Variants in NSD1 observed in about 807,000 individuals in gnomAD.
The protein encoded by NSD1 is nuclear receptor binding SET domain protein 1.
Under a neutral mutation model 242.7 loss-of-function variants are expected in NSD1, and 26 were observed. The ratio of observed to expected loss-of-function variants is 0.11; its 90% CI spans 0.08 to 0.15. The LOEUF is 0.15. NSD1 is among the 10% of genes least tolerant of loss of function. NSD1 has a pLI of 1.00. For synonymous variants in NSD1, 1,106 were observed against 1,178.1 expected (o/e 0.94, Z 1.25); for missense variants, 2,495 against 3,272.8 (o/e 0.76, Z 5.80).
rs531124834 is a variant in NSD1, at chr5:177,271,571, A to G, written c.5509+1764A>G. On this transcript the variant is annotated intron_variant, in intron 16 of 22. Coordinates refer to ENST00000439151, the MANE Select transcript of NSD1 (RefSeq NM_022455.5). ...TGACTTTGAAGAAGGAAAAGGACTT[A>G]AAATGTGATACATTTTACCAAGAAG... Among the ~76,000 whole-genome samples, 3 of 152,336 alleles carry G rather than the reference A, an allele frequency of 2.0e-5. No individual in the cohort carries two copies. In the South Asian group the frequency reaches 6.2e-4, roughly 32 times the overall value.
intron 5 of NSD1, among the ~76,000 whole-genome samples, chr5:177,224,471 T>C (rs1764482263): frequency 6.6e-6 from 1 of 152,032 alleles, no homozygotes; most frequent in South Asian, 2.1e-4. Flanking sequence ...ATCTCATGTT[T>C]ATGAAAATTT....
chr5:177,247,442 A>G (rs149526559), intron 10 of NSD1, among the ~76,000 whole-genome samples: 1 of 151,954 alleles, frequency 6.6e-6, no homozygotes, highest in Non-Finnish European at 1.5e-5. Context: ...AAAAAAATTG[A>G]GACTGCTGGC....
chr5:177,294,460 C>T lies in NSD1; in HGVS notation c.7092C>T (p.Ser2364=), dbSNP rs762770908. The T allele has an allele frequency of 6.2e-7, 1 of 1,614,200 alleles. No individual in the cohort carries two copies. Among genetic ancestry groups the T allele is most frequent in the South Asian group, 1.1e-5 (1 of 91,086 alleles). ...LGTADPRLDK[S]IGAASPRPQS... is the part of the protein sequence containing the mutation. ...CGGCTGACCCAAGGCTGGATAAATC[C>T]ATAGGTGCTGCCAGCCCAAGGCCCC... is the stretch of plus-strand genomic sequence containing the variant. The change falls in exon 23 of 23, where the codon TCC becomes TCT. Residue 2364 remains serine (S), a synonymous_variant. Transcript: ENST00000439151.
rs1265388422 is a variant in NSD1, at chr5:177,210,428, T to C, written c.2029T>C (p.Ser677Pro). 4.3e-6 allele frequency: 7 copies of C among 1,614,178 alleles called. No individual in the cohort carries two copies. Among genetic ancestry groups the C allele is most frequent in the East Asian group, 2.2e-5 (1 of 44,884 alleles). ...TTTCGATAGAACAGAGAACATGTTA[T>C]CTATGCAGAAAAATGAAAAGATAAA... Reference protein sequence around the residue: ...DAFDRTENMLSMQKNEKIKYS... With the variant: ...DAFDRTENMLPMQKNEKIKYS... Residue 677 changes from serine to proline, a missense_variant, in exon 5 of 23, where the codon TCT becomes CCT. Coordinates refer to ENST00000439151, the MANE Select transcript of NSD1 (RefSeq NM_022455.5).
At chr5:177,233,896 G>A (rs932228522) in intron 5 of NSD1, among the ~76,000 whole-genome samples, 5 of 152,180 alleles carry the variant, frequency 3.3e-5, no homozygotes, top group Admixed American at 1.3e-4. Context: ...GATTGATGAA[G>A]AGTAAATATA....
chr5:177,297,760 A>C lies in NSD1; in HGVS notation c.*2301A>C, dbSNP rs985628485. The C allele has an allele frequency of 1.3e-5, 3 of 233,002 alleles. No homozygotes were observed. Among genetic ancestry groups the C allele is most frequent in the Non-Finnish European group, 2.5e-5 (3 of 117,976 alleles). 14.4% of individuals were successfully genotyped at this position (233,002 alleles called of 1,614,324 possible). The stretch of plus-strand genomic sequence containing the variant: ...TAAAGTAGGCTTTGGTAGGTAATCA[A>C]CTTGACAGCAGTCTAGATGTCTCAC... On this transcript the variant is annotated 3_prime_UTR_variant, in exon 23 of 23. Transcript: ENST00000439151.
At chr5:177,292,447 T>C (rs1034545184) in intron 22 of NSD1, among the ~76,000 whole-genome samples, 1 of 152,206 alleles carries the variant, frequency 6.6e-6, no homozygotes, top group Admixed American at 6.5e-5. Context: ...CCATAATGCA[T>C]GTGAAGAAAC....
chr5:177,170,604 C>G (rs1267812492), intron 2 of NSD1, among the ~76,000 whole-genome samples: 4 of 152,188 alleles, frequency 2.6e-5, no homozygotes, highest in Admixed American at 2.6e-4. Flanking sequence ...CCGCCTGCCT[C>G]AGCTTCCTGA....
Position 177,296,986 on chromosome 5 carries a change from C to G in NSD1, c.*1527C>G, listed in dbSNP as rs1427601901. ...TGGCTTTCACGCTCTCAATAGGATT[C>G]TGTATTTGGTCCCAATTTCCTCAAG... On this transcript the variant is annotated 3_prime_UTR_variant, in exon 23 of 23. Transcript: ENST00000439151. 1 of 233,204 alleles carries G rather than the reference C, an allele frequency of 4.3e-6. No homozygotes were observed. Among genetic ancestry groups the G allele is most frequent in the Non-Finnish European group, 8.5e-6 (1 of 118,066 alleles). The allele number at this position is 233,204 out of a possible 1,614,324, so 14.4% of individuals were successfully genotyped here.
At chr5:177,187,625 A>G (rs184599930) in intron 2 of NSD1, among the ~76,000 whole-genome samples, 3 of 152,208 alleles carry the variant, frequency 2.0e-5, no homozygotes, top group African/African-American at 7.2e-5. Flanking sequence ...TGTTTTGAGG[A>G]CTGTGAGTGT....
intron 2 of NSD1, among the ~76,000 whole-genome samples, chr5:177,169,825 T>C (rs1350553765): frequency 6.6e-6 from 1 of 152,182 alleles, no homozygotes; most frequent in African/African-American, 2.4e-5. Context: ...AAATTGCAAA[T>C]TCCAACAGTG....
chr5:177,193,755 G>A (rs553624089), intron 3 of NSD1, among the ~76,000 whole-genome samples: 4 of 152,208 alleles, frequency 2.6e-5, no homozygotes, highest in Non-Finnish European at 5.9e-5. Flanking sequence ...GCAACCAATT[G>A]ATATTAATTT....
At chr5:177,268,161 T>G (rs1757662390) in intron 15 of NSD1, among the ~76,000 whole-genome samples, 1 of 151,470 alleles carries the variant, frequency 6.6e-6, no homozygotes, top group Non-Finnish European at 1.5e-5. Flanking sequence ...CAGTCTGGAG[T>G]GCAGTGGTGT....
At chr5:177,181,930 A>T (rs1643316395) in intron 2 of NSD1, among the ~76,000 whole-genome samples, 1 of 151,842 alleles carries the variant, frequency 6.6e-6, no homozygotes, top group Admixed American at 6.6e-5. Flanking sequence ...AGGTGGGCGG[A>T]TCACGAGGTC....
At chr5:177,259,193 T>C (rs1224014828) in intron 13 of NSD1, among the ~76,000 whole-genome samples, 1 of 152,204 alleles carries the variant, frequency 6.6e-6, no homozygotes, top group African/African-American at 2.4e-5. Flanking sequence ...CCTTGACTTT[T>C]TCCATAGAGG....
At chr5:177,162,620 G>T (rs970675523) in intron 2 of NSD1, among the ~76,000 whole-genome samples, 8 of 152,098 alleles carry the variant, frequency 5.3e-5, no homozygotes, top group African/African-American at 1.9e-4. Flanking sequence ...GAGCTCAAGC[G>T]ATCCGCCCAC....
chr5:177,259,535 C>T (rs1756819228), intron 13 of NSD1, among the ~76,000 whole-genome samples: 1 of 152,112 alleles, frequency 6.6e-6, no homozygotes, highest in African/African-American at 2.4e-5. Flanking sequence ...TTACAGATTG[C>T]ATTAGAGGGT....
At chr5:177,223,779 TC>T (rs1231887386) in intron 5 of NSD1, among the ~76,000 whole-genome samples, 11 of 152,146 alleles carry the variant, frequency 7.2e-5, no homozygotes, top group African/African-American at 2.4e-4. Flanking sequence ...GATCAGGAGT[TC>T]TAGACCATCG....
chr5:177,204,311 T>G lies in NSD1; in HGVS notation c.1236+19T>G. The stretch of plus-strand genomic sequence containing the variant: ...GCATAAGGTAGGAAACGAAAAAGGC[T>G]TTTTATTGAGTGACAGAAGCAAGTA... On this transcript the variant is annotated intron_variant, in intron 4 of 22. Transcript: ENST00000439151. The G allele has an allele frequency of 1.2e-6, 2 of 1,608,988 alleles. No individual in the cohort carries two copies. Among genetic ancestry groups the G allele is most frequent in the Non-Finnish European group, 1.7e-6 (2 of 1,175,984 alleles).
Sources: gnomAD v4.1 joint callset for allele counts (sites outside exome capture counted in the v4.1 genomes callset) on GRCh38, gnomAD v4.1.1 for gene constraint, MANE v1.5 for transcripts, NCBI Gene and HGNC (gene_info 2026-07-23, HGNC 2026-07-21) for gene names.